Variants in ZNF333 observed in about 807,000 individuals in gnomAD.
The protein encoded by ZNF333 is zinc finger protein 333.
Under a neutral mutation model 76.1 loss-of-function variants are expected in ZNF333, and 61 were observed. The ratio of observed to expected loss-of-function variants is 0.80; its 90% CI spans 0.65 to 0.99. The LOEUF (loss-of-function observed/expected upper bound fraction) is 0.99. Among genes scored for constraint, ZNF333 ranks in the 50% least tolerant of loss-of-function variants. ZNF333 has a pLI of 0.00. For synonymous variants in ZNF333, 284 were observed against 305.0 expected (o/e 0.93, Z 0.72); for missense variants, 717 against 822.4 (o/e 0.87, Z 1.57).
intron 8 of ZNF333, 64 bp from the exon 9 acceptor site, chr19:14,716,048 C>G: frequency 6.2e-7 from 1 of 1,601,776 alleles, no homozygotes; most frequent in Non-Finnish European, 8.5e-7. Flanking sequence ...TGCCAGCCTC[C>G]AGCATCCTCT....
intron 10 of ZNF333, 193 bp downstream of exon 10, chr19:14,717,282 C>T (rs1318347763): frequency 8.9e-6 from 5 of 558,936 alleles, no homozygotes; most frequent in Non-Finnish European, 1.6e-5. Flanking sequence ...CATTCATCTC[C>T]TAGAAAGATC....
rs754272203 is a variant in ZNF333 at position 14,705,082 on chromosome 19, T to C, written c.335T>C (p.Leu112Pro). 34 of 1,613,962 alleles carry C rather than the reference T, an allele frequency of 2.1e-5. No individual in the cohort carries two copies. The South Asian group carries it at 3.7e-4, about 18-fold the overall frequency. Residue 112 changes from leucine to proline, a missense_variant, in exon 6 of 12, where the codon CTG becomes CCG. Transcript: ENST00000292530. ...CCGGGGCTGTTCCTGAGGATGCAGCTGGTGCCCTCCATAGAAGAGAGGGAG... is the reference window on the plus strand; with the variant it reads ...CCGGGGCTGTTCCTGAGGATGCAGCCGGTGCCCTCCATAGAAGAGAGGGAG... ...MGPGLFLRMQLVPSIEERETP... is the reference protein window; with the variant it reads ...MGPGLFLRMQPVPSIEERETP...
At chr19:14,727,619 A>G (rs2042642195) in intron 11 of ZNF333, among the ~76,000 whole-genome samples, 1 of 152,124 alleles carries the variant, frequency 6.6e-6, no homozygotes, top group South Asian at 2.1e-4. Context: ...ACCTCCCACC[A>G]GGCCCCACCT....
At chr19:14,705,275 G>A (rs900129404) in intron 6 of ZNF333, 105 bp downstream of exon 6, 4 of 968,152 alleles carry the variant, frequency 4.1e-6, no homozygotes, top group East Asian at 2.5e-5. Context: ...GAGGGTGTTT[G>A]GGGCCTGTAG....
rs879373284 is a variant in ZNF333, at chr19:14,728,221, A to AT, written c.901-2945dup. ...GAGCGAGACTCCGTCTCAAAAAAAA[A>AT]TTTTTTTTTCAGAATACTCAAGCTG... On this transcript the variant is annotated intron_variant, in intron 11 of 11. Coordinates refer to the ZNF333 transcript ENST00000540689. Among the ~76,000 whole-genome samples, 8 of 151,816 alleles carry AT rather than the reference A, an allele frequency of 5.3e-5. No individual in the cohort carries two copies. In the East Asian group the frequency reaches 1.4e-3, roughly 26 times the overall value.
At chr19:14,717,404 G>T in intron 10 of ZNF333, 1 of 551,340 alleles carries the variant, frequency 1.8e-6, no homozygotes. Flanking sequence ...AATCTTTGTA[G>T]AATCCTTTTT....
chr19:14,690,787 T>C (rs1972707631), intron 1 of ZNF333, among the ~76,000 whole-genome samples: 1 of 152,198 alleles, frequency 6.6e-6, no homozygotes, highest in South Asian at 2.1e-4. Context: ...TCTTCTTTTT[T>C]TTCTTTCTCA....
intron 7 of ZNF333, among the ~76,000 whole-genome samples, chr19:14,713,397 G>C (rs1261284003): frequency 1.3e-5 from 2 of 152,060 alleles, no homozygotes; most frequent in Non-Finnish European, 2.9e-5. Flanking sequence ...CCTTAGATGG[G>C]CAGAAAGATT....
At chr19:14,706,978 G>T in intron 7 of ZNF333, 1 of 516,636 alleles carries the variant, frequency 1.9e-6, no homozygotes, top group Non-Finnish European at 3.4e-6. Context: ...AGAAAGAGAG[G>T]GCTCACTCAA....
At chr19:14,714,225 T>G (rs1041910086) in intron 7 of ZNF333, among the ~76,000 whole-genome samples, 5 of 152,254 alleles carry the variant, frequency 3.3e-5, no homozygotes, top group African/African-American at 1.2e-4. Flanking sequence ...GTCCTAACCC[T>G]GTGAATGTGG....
intron 1 of ZNF333, among the ~76,000 whole-genome samples, chr19:14,691,917 TCCAC>T (rs573367152): frequency 1.6e-3 from 237 of 152,266 alleles, no homozygotes; most frequent in African/African-American, 5.5e-3. Context: ...CCTCAGGTGA[TCCAC>T]CCGCCTCGGC....
chr19:14,706,674 C>T lies in ZNF333; in HGVS notation c.424-12C>T. The T allele has an allele frequency of 6.2e-7, 1 of 1,611,810 alleles. No homozygotes were observed. On this transcript the variant is annotated splice_polypyrimidine_tract_variant and intron_variant, in intron 6 of 11. Coordinates refer to ENST00000292530, the MANE Select transcript of ZNF333 (RefSeq NM_032433.4). ...CTTGACTCTAATCTGTGACCCCTGT[C>T]ACTCTGTCCAGGGACTGAAGGCCGC...
rs1045087516 is a variant in ZNF333 at position 14,717,011 on chromosome 19, C to A, written c.745C>A (p.Pro249Thr). 33 of 1,611,834 alleles carry A rather than the reference C, an allele frequency of 2.0e-5. No homozygotes were observed. The highest frequency in any genetic ancestry group is 2.8e-5 in the Non-Finnish European group (33 of 1,178,942). ...ATGAGCAGCTGATCAACTGTGCAAA[C>A]CCAATGCGTTGTCTTATTTGGAAGA... ...LASVADQLCKPNALSYLEERG... is the reference protein window; with the variant it reads ...LASVADQLCKTNALSYLEERG... The change falls in exon 10 of 12, where the codon CCC becomes ACC. Residue 249 changes from proline to threonine, a missense_variant. Physicochemically the swap from Pro to Thr is conservative, Grantham distance 38. Transcript: ENST00000292530.
chr19:14,719,635 A>G lies in ZNF333; in HGVS notation c.*310A>G, dbSNP rs1168731204. ...AACCACCACCCCATTCCAGATATAG[A>G]ATGTTTCTATCTCTCTGGAAGGTTC... On this transcript the variant is annotated 3_prime_UTR_variant, in exon 12 of 12. Transcript: ENST00000292530. 1.3e-5 allele frequency: 14 copies of G among 1,111,876 alleles called. No homozygotes were observed. Among genetic ancestry groups the G allele is most frequent in the African/African-American group, 1.6e-5 (1 of 60,942 alleles). The allele number at this position is 1,111,876 out of a possible 1,614,324, so 68.9% of individuals were successfully genotyped here. A position where few individuals can be genotyped will look rare whatever the true frequency, so the allele number is the denominator to read the frequency against.
intron 2 of ZNF333, 65 bp downstream of exon 2, chr19:14,693,559 C>A: frequency 6.5e-7 from 1 of 1,533,630 alleles, no homozygotes; most frequent in Non-Finnish European, 8.9e-7. Context: ...GTCCTCTGGG[C>A]CCTGTCTTCT....
chr19:14,693,594 G>C, intron 2 of ZNF333, 100 bp downstream of exon 2: 1 of 1,398,080 alleles, frequency 7.2e-7, no homozygotes, highest in Non-Finnish European at 9.7e-7. Flanking sequence ...GTCCCCAACT[G>C]AGGAAGAAAG....
At chr19:14,729,102 G>A (rs1265756407) in intron 11 of ZNF333, among the ~76,000 whole-genome samples, 1 of 152,174 alleles carries the variant, frequency 6.6e-6, no homozygotes, top group Non-Finnish European at 1.5e-5. Flanking sequence ...TTATTGATTA[G>A]TGCCGACGGG....
intron 5 of ZNF333, among the ~76,000 whole-genome samples, chr19:14,701,250 A>G (rs997091995): frequency 1.3e-5 from 2 of 152,090 alleles, no homozygotes; most frequent in African/African-American, 4.8e-5. Flanking sequence ...TTTTCTTTTT[A>G]AATAGATATG....
At chr19:14,692,672 C>G (rs544255280) in intron 1 of ZNF333, among the ~76,000 whole-genome samples, 1 of 152,162 alleles carries the variant, frequency 6.6e-6, no homozygotes, top group African/African-American at 2.4e-5. Context: ...GCCACCATGC[C>G]CAGCTAATTT....
Sources: allele counts gnomAD v4.1 joint callset (sites outside exome capture counted in the v4.1 genomes callset), GRCh38; gene constraint gnomAD v4.1.1; transcripts MANE v1.5; gene names NCBI Gene and HGNC (gene_info 2026-07-23, HGNC 2026-07-21).